PCDHGA3: variants seen among roughly 807,000 people sequenced by gnomAD.
PCDHGA3 encodes protocadherin gamma-A3.
Under a neutral mutation model 58.5 loss-of-function variants are expected in PCDHGA3, and 40 were observed. The observed-to-expected ratio is 0.68, with a 90% CI of 0.53 to 0.89. The LOEUF (loss-of-function observed/expected upper bound fraction) is 0.89. Among genes scored for constraint, PCDHGA3 ranks in the 40% least tolerant of loss-of-function variants. PCDHGA3 has a pLI of 0.00. For missense variants in PCDHGA3, 1,223 were observed against 1,195.9 expected, an observed-to-expected ratio of 1.02 and a Z score of -0.33; for synonymous variants, 530 against 525.7, an observed-to-expected ratio of 1.01 and a Z score of -0.11.
intron 1 of PCDHGA3, chr5:141,366,238 C>T (rs376279746): frequency 6.2e-7 from 1 of 1,613,786 alleles, no homozygotes; most frequent in South Asian, 1.1e-5. Flanking sequence ...TGGACAGAGA[C>T]GCGCTCAAGC....
intron 2 of PCDHGA3, among the ~76,000 whole-genome samples, chr5:141,497,540 C>CTT (rs754207034): frequency 2.8e-4 from 38 of 134,912 alleles, no homozygotes; most frequent in African/African-American, 8.9e-4. Context: ...TGCAACAAAC[C>CTT]TTTTTTTTTT....
intron 1 of PCDHGA3, among the ~76,000 whole-genome samples, chr5:141,488,351 C>G (rs1467834410): frequency 6.6e-6 from 1 of 152,132 alleles, no homozygotes; most frequent in African/African-American, 2.4e-5. Context: ...AAACAGCCAC[C>G]CTGTGCATCT....
chr5:141,503,665 C>A (rs1210514896), intron 2 of PCDHGA3, among the ~76,000 whole-genome samples: 2 of 151,792 alleles, frequency 1.3e-5, no homozygotes, highest in African/African-American at 4.8e-5. Flanking sequence ...AATTACAACT[C>A]TTCCCACTTT....
Position 141,374,740 on chromosome 5 carries a change from C to T in PCDHGA3, c.2424+28283C>T, listed in dbSNP as rs1337639511. On this transcript the variant is annotated intron_variant, in intron 1 of 3. Transcript: ENST00000253812. ...TCCTTACTGCCATGGATGGCGGCGA[C>T]CCTGTCCGCTCAAGCGTCGCCCAAA... 7 of 1,611,592 alleles carry T rather than the reference C, an allele frequency of 4.3e-6. No homozygotes were observed. In the South Asian group the frequency reaches 6.6e-5, roughly 15 times the overall value.
chr5:141,468,226 G>T (rs967204965), intron 1 of PCDHGA3, among the ~76,000 whole-genome samples: 2 of 151,038 alleles, frequency 1.3e-5, no homozygotes, highest in Admixed American at 1.3e-4. Flanking sequence ...TTGGGAGGAT[G>T]AGGTAGGAGA....
chr5:141,473,029 G>A (rs62379204), intron 1 of PCDHGA3, among the ~76,000 whole-genome samples: 15,982 of 147,800 alleles, frequency 0.11, 873 homozygotes, highest in South Asian at 0.15. Flanking sequence ...AAGGAAGGAA[G>A]GAAGGAAAGA....
chr5:141,389,787 G>A, intron 1 of PCDHGA3: 1 of 1,613,328 alleles, frequency 6.2e-7, no homozygotes, highest in Non-Finnish European at 8.5e-7. Flanking sequence ...CGACAGGGAC[G>A]CCGTCCGCCA....
chr5:141,497,413 T>A (rs572922456), intron 2 of PCDHGA3, among the ~76,000 whole-genome samples: 1 of 151,928 alleles, frequency 6.6e-6, no homozygotes, highest in African/African-American at 2.4e-5. Context: ...TCCCATTCCA[T>A]CAAATGAGAG....
Position 141,493,788 on chromosome 5 carries a change from C to A in PCDHGA3, c.2425-1019C>A, listed in dbSNP as rs2099750132. On this transcript the variant is annotated intron_variant, in intron 1 of 3. Transcript: ENST00000253812. This position sits in a 1 kb window ranked among gnomAD's most constrained non-coding sequence, Gnocchi z 4.3. ...ACTGGCAGTTCCGGAGCTTCCTTCT[C>A]CCTGGAGTAATCTGAGATACTCACA... 6.6e-6 allele frequency among the ~76,000 whole-genome samples: 1 copy of A among 152,162 alleles called. No homozygotes were observed. The highest frequency in any genetic ancestry group is 1.5e-5 in the Non-Finnish European group (1 of 68,026).
chr5:141,383,651 T>TC, intron 1 of PCDHGA3: 1 of 1,613,922 alleles, frequency 6.2e-7, no homozygotes, highest in Non-Finnish European at 8.5e-7. Flanking sequence ...CAAGTAACTG[T>TC]CCCCGAGAAT....
chr5:141,372,811 TGA>T (rs1193015568), intron 1 of PCDHGA3: 2 of 1,586,454 alleles, frequency 1.3e-6, no homozygotes, highest in Admixed American at 1.8e-5. Flanking sequence ...TTGCAAAAGG[TGA>T]GTTTCTTCAA....
intron 1 of PCDHGA3, chr5:141,388,406 C>T (rs770065402): frequency 1.9e-6 from 3 of 1,613,842 alleles, no homozygotes; most frequent in Non-Finnish European, 2.5e-6. Context: ...AACTCAGTCC[C>T]AGTGATCATT....
intron 1 of PCDHGA3, chr5:141,427,887 C>T (rs759734297): frequency 3.8e-6 from 6 of 1,565,908 alleles, no homozygotes; most frequent in South Asian, 1.1e-5. Flanking sequence ...GGCCCACGAC[C>T]AGGGCTCGCC....
intron 2 of PCDHGA3, among the ~76,000 whole-genome samples, chr5:141,503,963 C>T (rs900066192): frequency 7.2e-5 from 11 of 152,188 alleles, no homozygotes; most frequent in Admixed American, 6.5e-4. Flanking sequence ...ACAGCCTTTC[C>T]CATGGTGCCA....
chr5:141,398,752 C>G lies in PCDHGA3; in HGVS notation c.2424+52295C>G, dbSNP rs1196162576. On this transcript the variant is annotated intron_variant, in intron 1 of 3. Coordinates refer to ENST00000253812, the MANE Select transcript of PCDHGA3 (RefSeq NM_018916.4). ...AGACCGGGAACAACAGAGTTACCAT[C>G]GTTTAGTCCTGACTGCCTTGGACGG... is the stretch of plus-strand genomic sequence containing the variant. The G allele has an allele frequency of 7.4e-6, 12 of 1,613,482 alleles. No homozygotes were observed. In the South Asian group the frequency reaches 1.2e-4, roughly 16 times the overall value.
At chr5:141,481,811 G>T (rs1050821120) in intron 1 of PCDHGA3, among the ~76,000 whole-genome samples, 3 of 151,892 alleles carry the variant, frequency 2.0e-5, no homozygotes, top group Admixed American at 1.3e-4. Flanking sequence ...AATTCACCAG[G>T]CGTGGTGGCT....
chr5:141,500,051 C>A (rs991931153), intron 2 of PCDHGA3, among the ~76,000 whole-genome samples: 1 of 151,988 alleles, frequency 6.6e-6, no homozygotes, highest in Non-Finnish European at 1.5e-5. Context: ...TATCTTAATG[C>A]TCTTTTAATG....
In PCDHGA3 at chr5:141,432,068, C is replaced by G. The variant is rs1297096209; in HGVS notation, c.2425-62739C>G. ...AACCCCGCCCCTATCCACGGAAACT[C>G]ATATCTCGCTGAACGTGGCAGACAC... On this transcript the variant is annotated intron_variant, in intron 1 of 3. Transcript: ENST00000253812. The surrounding 1 kb of genome is among the most constrained non-coding windows in gnomAD (Gnocchi z 6.0). 6.2e-7 allele frequency: 1 copy of G among 1,614,210 alleles called. No individual in the cohort carries two copies. The highest frequency in any genetic ancestry group is 1.7e-5 in the Admixed American group (1 of 60,028).
chr5:141,477,794 C>G lies in PCDHGA3; in HGVS notation c.2425-17013C>G, dbSNP rs148942362. The G allele has an allele frequency of 6.2e-7, 1 of 1,614,086 alleles. No individual in the cohort carries two copies. The highest frequency in any genetic ancestry group is 1.1e-5 in the South Asian group (1 of 91,082). On this transcript the variant is annotated intron_variant, in intron 1 of 3. Transcript: ENST00000253812. This position sits in a 1 kb window ranked among gnomAD's most constrained non-coding sequence, Gnocchi z 4.9. ...CAGCGTGAACATATTTGTCACTGAT[C>G]GCAATGACAATGCCCCCCAGGTCCT...
Sources: allele counts gnomAD v4.1 joint callset (sites outside exome capture counted in the v4.1 genomes callset), GRCh38; gene constraint gnomAD v4.1.1; non-coding constraint Gnocchi (gnomAD v3.1); transcripts MANE v1.5; gene names NCBI Gene and HGNC (gene_info 2026-07-23, HGNC 2026-07-21).